FRMD4A: variants seen among roughly 807,000 people sequenced by gnomAD.
FRMD4A encodes the protein FERM domain-containing protein 4A.
In FRMD4A, 29 loss-of-function variants were observed where a neutral mutation model predicts 129.1. That is an observed-to-expected ratio of 0.22 (90% CI 0.17 to 0.31). The LOEUF (loss-of-function observed/expected upper bound fraction) is 0.31. FRMD4A is among the 10% of genes least tolerant of loss of function. The pLI, the probability that FRMD4A is intolerant of heterozygous loss-of-function variation, is 1.00. For missense variants in FRMD4A, 1,272 were observed against 1,375.8 expected (o/e 0.92, Z 1.19); for synonymous variants, 634 against 571.6 (o/e 1.11, Z -1.56).
chr10:14,145,925 A>G (rs1031361074), intron 2 of FRMD4A, among the ~76,000 whole-genome samples: 1 of 152,238 alleles, frequency 6.6e-6, no homozygotes, highest in African/African-American at 2.4e-5. Flanking sequence ...GATGATAATT[A>G]GGACCAGCGG....
At position 14,100,824 on chromosome 10, in the gene FRMD4A, A is replaced by C. The variant is rs546806108; in HGVS notation, c.45+229234T>G. Among the ~76,000 whole-genome samples, 10 of 152,316 alleles carry C rather than the reference A, an allele frequency of 6.6e-5. No homozygotes were observed. The South Asian group carries it at 2.1e-3, about 32-fold the overall frequency. ...CTATTTACAGAAAAAGTAAATATCTAAGGGAAAATCAATCATTTGATGACT... is the reference window on the plus strand; with the variant it reads ...CTATTTACAGAAAAAGTAAATATCTCAGGGAAAATCAATCATTTGATGACT... On this transcript the variant is annotated intron_variant, in intron 2 of 24. Transcript: ENST00000357447.
intron 4 of FRMD4A, among the ~76,000 whole-genome samples, chr10:13,802,981 C>A (rs1324788046): frequency 1.3e-5 from 2 of 152,068 alleles, no homozygotes; most frequent in African/African-American, 4.8e-5. Context: ...AACCCCGTCT[C>A]TACTAAAAAT....
chr10:13,989,840 G>T (rs117333605), intron 2 of FRMD4A, among the ~76,000 whole-genome samples: 1 of 152,182 alleles, frequency 6.6e-6, no homozygotes, highest in Non-Finnish European at 1.5e-5. Context: ...AAACTCCATG[G>T]AACATGCTTA....
At chr10:14,207,871 G>A (rs1488048009) in intron 2 of FRMD4A, among the ~76,000 whole-genome samples, 1 of 152,100 alleles carries the variant, frequency 6.6e-6, no homozygotes, top group African/African-American at 2.4e-5. Flanking sequence ...TCTGTAATCA[G>A]AAGAAGTCAG....
At chr10:13,899,561 G>A (rs1006369615) in intron 2 of FRMD4A, among the ~76,000 whole-genome samples, 6 of 152,132 alleles carry the variant, frequency 3.9e-5, no homozygotes, top group African/African-American at 1.4e-4. Flanking sequence ...TTTCTGGCAG[G>A]CTGAGGTGGG....
chr10:14,016,926 C>A (rs948274922), intron 2 of FRMD4A, among the ~76,000 whole-genome samples: 4 of 152,260 alleles, frequency 2.6e-5, no homozygotes, highest in African/African-American at 9.6e-5. Flanking sequence ...CCATCAGCAT[C>A]CTTGCAGGCT....
chr10:13,747,944 T>TG (rs1383012724), intron 8 of FRMD4A, 125 bp from the exon 9 acceptor site: 28 of 680,828 alleles, frequency 4.1e-5, no homozygotes, highest in Non-Finnish European at 7.2e-5. Context: ...TAAAAAGCAG[T>TG]GGGGGGAAGG....
intron 2 of FRMD4A, among the ~76,000 whole-genome samples, chr10:13,964,545 T>G (rs2095471533): frequency 6.6e-6 from 1 of 152,172 alleles, no homozygotes; most frequent in African/African-American, 2.4e-5. Flanking sequence ...AGCTTAAACT[T>G]CAGGGTTCCT....
At chr10:14,234,182 T>C (rs1055347983) in intron 2 of FRMD4A, among the ~76,000 whole-genome samples, 2 of 151,592 alleles carry the variant, frequency 1.3e-5, no homozygotes, top group Admixed American at 6.6e-5. Context: ...TAAGCATCTC[T>C]AATATTGATT....
At chr10:14,312,557 G>A (rs1274504254) in intron 2 of FRMD4A, among the ~76,000 whole-genome samples, 5 of 152,208 alleles carry the variant, frequency 3.3e-5, no homozygotes, top group African/African-American at 1.2e-4. Flanking sequence ...AATGTTCATT[G>A]CAGGATAGTT....
chr10:13,689,936 G>A (rs1162473444), intron 15 of FRMD4A, among the ~76,000 whole-genome samples: 4 of 151,976 alleles, frequency 2.6e-5, no homozygotes, highest in Non-Finnish European at 2.9e-5. Flanking sequence ...TTCAATAACT[G>A]TGCATCAAAC....
At chr10:14,223,579 A>G (rs1027425903) in intron 2 of FRMD4A, among the ~76,000 whole-genome samples, 1 of 152,118 alleles carries the variant, frequency 6.6e-6, no homozygotes, top group Non-Finnish European at 1.5e-5. Context: ...TGTCTCTACA[A>G]AATATCAAAA....
intron 2 of FRMD4A, among the ~76,000 whole-genome samples, chr10:13,896,869 G>A (rs2094764772): frequency 6.6e-6 from 1 of 152,172 alleles, no homozygotes. Context: ...GTTCCCCGAA[G>A]AGCAGCCGAT....
intron 24 of FRMD4A, among the ~76,000 whole-genome samples, chr10:13,650,548 C>T (rs74121354): frequency 0.048 from 7,335 of 152,200 alleles, 500 homozygotes; most frequent in African/African-American, 0.15. Context: ...AGCAGATGAT[C>T]GCCCTCCCAT....
chr10:13,845,196 A>G (rs1421446544), intron 3 of FRMD4A, among the ~76,000 whole-genome samples: 2 of 152,176 alleles, frequency 1.3e-5, no homozygotes, highest in African/African-American at 4.8e-5. Context: ...ACTTATTTAG[A>G]TGGTAATCTG....
intron 2 of FRMD4A, among the ~76,000 whole-genome samples, chr10:14,174,820 C>T (rs1841646312): frequency 6.6e-6 from 1 of 150,606 alleles, no homozygotes; most frequent in Non-Finnish European, 1.5e-5. Context: ...GTTTCAAAAA[C>T]AGATTTATGG....
chr10:13,851,022 C>G (rs2094133409), intron 3 of FRMD4A, among the ~76,000 whole-genome samples: 1 of 152,146 alleles, frequency 6.6e-6, no homozygotes, highest in Non-Finnish European at 1.5e-5. Context: ...TCAGAGAAGC[C>G]TGGCCAACAC....
intron 3 of FRMD4A, among the ~76,000 whole-genome samples, chr10:13,817,464 A>T (rs2093562850): frequency 6.6e-6 from 1 of 152,242 alleles, no homozygotes; most frequent in South Asian, 2.1e-4. Context: ...AAAGCGCTCT[A>T]GGCACACTGA....
chr10:14,207,575 C>T (rs1285274214), intron 2 of FRMD4A, among the ~76,000 whole-genome samples: 2 of 151,960 alleles, frequency 1.3e-5, no homozygotes, highest in African/African-American at 2.4e-5. Context: ...ATTGTCCTTC[C>T]CCTTTTAAGG....
Sources: gnomAD v4.1 joint callset for allele counts (sites outside exome capture counted in the v4.1 genomes callset) on GRCh38, gnomAD v4.1.1 for gene constraint, MANE v1.5 for transcripts, NCBI Gene and HGNC (gene_info 2026-07-23, HGNC 2026-07-21) for gene names.